SYNE1: variants seen among roughly 807,000 people sequenced by gnomAD.
SYNE1 encodes spectrin repeat containing nuclear envelope protein 1, also known as nesprin-1.
SYNE1 carries 616 observed loss-of-function variants against 1,111.0 expected under a neutral mutation model. That is an observed-to-expected ratio of 0.55 (90% CI 0.52 to 0.59). SYNE1 has a LOEUF of 0.59. Among genes scored for constraint, SYNE1 ranks in the 20% least tolerant of loss-of-function variants. SYNE1 has a pLI of 0.00. For missense variants in SYNE1, 10,006 were observed against 10,417.0 expected, an observed-to-expected ratio of 0.96 and a Z score of 1.72; for synonymous variants, 3,855 against 3,825.8, an observed-to-expected ratio of 1.01 and a Z score of -0.28.
intron 34 of SYNE1, among the ~76,000 whole-genome samples, chr6:152,432,899 C>T (rs2154209506): frequency 6.6e-6 from 1 of 152,142 alleles, no homozygotes; most frequent in African/African-American, 2.4e-5. Flanking sequence ...TCCATGTATG[C>T]TTGATTGCAA....
chr6:152,450,879 A>AAT (rs2098642422), intron 26 of SYNE1, 46 bp from the exon 27 acceptor site: 1 of 1,600,596 alleles, frequency 6.2e-7, no homozygotes, highest in Non-Finnish European at 8.6e-7. Context: ...GAAGCCACAC[A>AAT]GTACTTCTAC....
chr6:152,516,723 C>T (rs1315496132), intron 6 of SYNE1, among the ~76,000 whole-genome samples: 3 of 152,024 alleles, frequency 2.0e-5, no homozygotes, highest in Non-Finnish European at 2.9e-5. Context: ...GGACCATAGG[C>T]GCATGCCACC....
At chr6:152,349,986 G>A (rs1169789958) in intron 72 of SYNE1, among the ~76,000 whole-genome samples, 182 bp downstream of exon 72, 1 of 152,132 alleles carries the variant, frequency 6.6e-6, no homozygotes, top group Non-Finnish European at 1.5e-5. Context: ...CCCAGTCTCA[G>A]GTATGTCTTT....
At chr6:152,601,300 C>T (rs976268334) in intron 3 of SYNE1, among the ~76,000 whole-genome samples, 4 of 152,118 alleles carry the variant, frequency 2.6e-5, no homozygotes, top group African/African-American at 9.7e-5. Flanking sequence ...AGGCCATGAT[C>T]AATAGTAGAC....
rs2058199281 is a variant in SYNE1, at chr6:152,139,979, T to C, written c.25429A>G (p.Thr8477Ala). Residue 8477 changes from threonine to alanine, a missense_variant, in exon 140 of 146, where the codon ACC (threonine) becomes GCC (alanine). Physicochemically the swap from Thr to Ala is moderately conservative, Grantham distance 58. Around this residue, in one of 7 missense-constraint regions of SYNE1, gnomAD observed 761 missense variants for 795.5 expected, o/e 0.96. Coordinates refer to ENST00000367255, the MANE Select transcript of SYNE1 (RefSeq NM_182961.4). ...AGCTTTTTGATCTGGAGCTCGATGG[T>C]CTGGATGTCAGTGCTGAGTTCCAGA... ...QRLELSTDIQ[T>A]IELQIKKLKE... The C allele has an allele frequency of 1.2e-6, 2 of 1,613,794 alleles. No individual in the cohort carries two copies. Among genetic ancestry groups the C allele is most frequent in the Non-Finnish European group, 1.7e-6 (2 of 1,180,028 alleles).
At chr6:152,503,615 A>C (rs2099041945) in intron 9 of SYNE1, among the ~76,000 whole-genome samples, 1 of 152,226 alleles carries the variant, frequency 6.6e-6, no homozygotes. Context: ...AATGAAGTAT[A>C]AAACTAATCT....
At chr6:152,594,998 C>T (rs1252693824) in intron 3 of SYNE1, among the ~76,000 whole-genome samples, 1 of 152,166 alleles carries the variant, frequency 6.6e-6, no homozygotes, top group Admixed American at 6.5e-5. Flanking sequence ...TGCTAGTTTA[C>T]ACCCTCATTC....
At chr6:152,275,750 G>A (rs977881103) in intron 98 of SYNE1, among the ~76,000 whole-genome samples, 2 of 151,158 alleles carry the variant, frequency 1.3e-5, no homozygotes, top group Non-Finnish European at 2.9e-5. Flanking sequence ...GGCAGGTGGT[G>A]CGCGCCTATA....
chr6:152,526,252 T>C (rs1202269484), intron 4 of SYNE1, 77 bp from the exon 5 acceptor site: 1 of 1,437,524 alleles, frequency 7.0e-7, no homozygotes, highest in Non-Finnish European at 9.8e-7. Flanking sequence ...CTCACCTTTG[T>C]TACTTATGGT....
chr6:152,447,632 G>A lies in SYNE1; in HGVS notation c.3505-10C>T. 1 of 1,614,078 alleles carries A rather than the reference G, an allele frequency of 6.2e-7. No homozygotes were observed. Among genetic ancestry groups the A allele is most frequent in the South Asian group, 1.1e-5 (1 of 91,082 alleles). ...CACCATTTCTGATCTCCTGAAATGAGAGAACACTTTTGATGAACACAGTGC... is the reference window on the plus strand; with the variant it reads ...CACCATTTCTGATCTCCTGAAATGAAAGAACACTTTTGATGAACACAGTGC... On this transcript the variant is annotated splice_polypyrimidine_tract_variant and intron_variant, in intron 28 of 145. Transcript: ENST00000367255.
intron 3 of SYNE1, among the ~76,000 whole-genome samples, chr6:152,572,958 A>ACCTTCTGGGAAGGATT (rs1421390714): frequency 6.6e-6 from 1 of 152,020 alleles, no homozygotes; most frequent in African/African-American, 2.4e-5. Flanking sequence ...GAATGTAAAC[A>ACCTTCTGGGAAGGATT]CCTTCTGGGA....
At chr6:152,153,581 C>A (rs1462271119) in intron 133 of SYNE1, among the ~76,000 whole-genome samples, 1 of 152,040 alleles carries the variant, frequency 6.6e-6, no homozygotes, top group Non-Finnish European at 1.5e-5. Context: ...GCAGTATAAG[C>A]CAATTATAAA....
chr6:152,350,065 C>A, intron 72 of SYNE1, 103 bp downstream of exon 72: 2 of 1,407,362 alleles, frequency 1.4e-6, no homozygotes, highest in Non-Finnish European at 2.0e-6. Flanking sequence ...ACCAGAGATG[C>A]ACCTGTGTGT....
intron 5 of SYNE1, among the ~76,000 whole-genome samples, chr6:152,525,277 G>T (rs894364699): frequency 6.6e-6 from 1 of 152,100 alleles, no homozygotes; most frequent in Admixed American, 6.6e-5. Context: ...AAGTAATAAT[G>T]ATTGTGTCAT....
At chr6:152,605,995 C>A (rs1236626532) in intron 3 of SYNE1, among the ~76,000 whole-genome samples, 2 of 152,102 alleles carry the variant, frequency 1.3e-5, no homozygotes, top group Admixed American at 6.6e-5. Context: ...ATGTCTTGGA[C>A]ATGAAACCAG....
At chr6:152,506,835 C>T (rs1291671514) in intron 8 of SYNE1, among the ~76,000 whole-genome samples, 1 of 152,158 alleles carries the variant, frequency 6.6e-6, no homozygotes, top group Non-Finnish European at 1.5e-5. Context: ...CCTCGGCCCC[C>T]CAAAGTGCTG....
chr6:152,214,194 A>AC, intron 122 of SYNE1, among the ~76,000 whole-genome samples: 1 of 136,472 alleles, frequency 7.3e-6, no homozygotes, highest in East Asian at 2.2e-4. Flanking sequence ...ACTCCGTCTC[A>AC]AAAAAAAAAA....
At chr6:152,397,894 G>C (rs937796683) in intron 49 of SYNE1, among the ~76,000 whole-genome samples, 5 of 151,890 alleles carry the variant, frequency 3.3e-5, no homozygotes, top group African/African-American at 9.7e-5. Flanking sequence ...CCAGCTACTT[G>C]GGAGGCTGAG....
chr6:152,225,628 A>T, intron 116 of SYNE1, 93 bp downstream of exon 116: 1 of 1,455,986 alleles, frequency 6.9e-7, no homozygotes, highest in Non-Finnish European at 9.6e-7. Flanking sequence ...AGATTTGATT[A>T]TTTCCTCTGC....
Sources: gnomAD v4.1 joint callset for allele counts (sites outside exome capture counted in the v4.1 genomes callset) on GRCh38, gnomAD v4.1.1 for gene constraint, gnomAD v4.1.1 regional missense constraint, MANE v1.5 for transcripts, NCBI Gene and HGNC (gene_info 2026-07-23, HGNC 2026-07-21) for gene names.